The following PCDHGA6 variants were observed in gnomAD, a reference collection of about 807,000 sequenced individuals.
The protein encoded by PCDHGA6 is protocadherin gamma subfamily A, 6.
A neutral mutation model predicts 60.6 loss-of-function variants in PCDHGA6; 41 were observed. The ratio of observed to expected loss-of-function variants is 0.68; its 90% CI spans 0.53 to 0.88. PCDHGA6 has a LOEUF of 0.88. Among genes scored for constraint, PCDHGA6 ranks in the 40% least tolerant of loss-of-function variants. PCDHGA6 has a pLI of 0.00. For synonymous variants in PCDHGA6, 594 were observed against 524.4 expected (o/e 1.13, Z -1.81); for missense variants, 1,312 against 1,203.0 (o/e 1.09, Z -1.34).
Position 141,431,548 on chromosome 5 carries a change from A to G in PCDHGA6, c.2424+55041A>G, listed in dbSNP as rs1357844542. 2 of 1,614,136 alleles carry G rather than the reference A, an allele frequency of 1.2e-6. No individual in the cohort carries two copies. Among genetic ancestry groups the G allele is most frequent in the Admixed American group, 1.7e-5 (1 of 60,030 alleles). On this transcript the variant is annotated intron_variant, in intron 1 of 3. Coordinates refer to ENST00000517434, the MANE Select transcript of PCDHGA6 (RefSeq NM_018919.3). This position sits in a 1 kb window ranked among gnomAD's most constrained non-coding sequence, Gnocchi z 4.8. ...TGGCCTTGGGCACGCAGCTGCTTGT[A>G]GTCAACGCTACCGACCCTGACGAAG... is the stretch of plus-strand genomic sequence containing the variant.
At chr5:141,390,164 G>C in intron 1 of PCDHGA6, 1 of 1,614,006 alleles carries the variant, frequency 6.2e-7, no homozygotes, top group Non-Finnish European at 8.5e-7. Context: ...CAGGAAAGAC[G>C]GAGTTTAATT....
chr5:141,456,783 C>G (rs1400541298), intron 1 of PCDHGA6, among the ~76,000 whole-genome samples: 3 of 151,802 alleles, frequency 2.0e-5, no homozygotes, highest in African/African-American at 4.8e-5. Flanking sequence ...GCCTACATGG[C>G]AAAACCCCAT....
In PCDHGA6 at chr5:141,374,658, C is replaced by T. The variant is rs760635815; in HGVS notation, c.575C>T (p.Pro192Leu). 6.2e-7 allele frequency: 1 copy of T among 1,611,764 alleles called. No individual in the cohort carries two copies. Among genetic ancestry groups the T allele is most frequent in the Non-Finnish European group, 8.5e-7 (1 of 1,178,870 alleles). Residue 192 changes from proline to leucine, a missense_variant, in exon 1 of 4, where the codon CCG (proline) becomes CTG (leucine). Coordinates refer to ENST00000517434, the MANE Select transcript of PCDHGA6 (RefSeq NM_018919.3). ...VQSEAHGPKY[P>L]ELVLEGTLDR... ...AGCGAAGCCCATGGGCCCAAGTACCCGGAGCTGGTGCTGGAGGGCACACTG... is the reference window on the plus strand; with the variant it reads ...AGCGAAGCCCATGGGCCCAAGTACCTGGAGCTGGTGCTGGAGGGCACACTG...
Position 141,511,267 on chromosome 5 carries a change from C to T in PCDHGA6, c.*94C>T, listed in dbSNP as rs1223074819. 1.3e-6 allele frequency: 2 copies of T among 1,549,404 alleles called. No homozygotes were observed. Among genetic ancestry groups the T allele is most frequent in the Non-Finnish European group, 1.7e-6 (2 of 1,146,836 alleles). On this transcript the variant is annotated 3_prime_UTR_variant, in exon 4 of 4. Transcript: ENST00000517434. ...CCAGGCCTCAGAGTTTCAGGGCTAA[C>T]CCCCAGAATACTGGTAGGGGCCAAG...
intron 2 of PCDHGA6, among the ~76,000 whole-genome samples, chr5:141,503,984 C>T (rs967348519): frequency 2.0e-5 from 3 of 152,184 alleles, no homozygotes; most frequent in African/African-American, 7.2e-5. Context: ...AACCCTTCTT[C>T]TTACCTTACA....
intron 1 of PCDHGA6, chr5:141,403,053 C>A: frequency 6.2e-7 from 1 of 1,614,076 alleles, no homozygotes; most frequent in Non-Finnish European, 8.5e-7. Context: ...ATTCGCTACT[C>A]AGTGCCTGAA....
chr5:141,428,057 G>C (rs766786963), intron 1 of PCDHGA6: 2 of 1,609,044 alleles, frequency 1.2e-6, no homozygotes, highest in East Asian at 2.2e-5. Flanking sequence ...AGGTGGTGGC[G>C]GTGGACGCAG....
At chr5:141,468,739 G>A (rs1167211344) in intron 1 of PCDHGA6, among the ~76,000 whole-genome samples, 5 of 152,000 alleles carry the variant, frequency 3.3e-5, no homozygotes, top group African/African-American at 1.2e-4. Context: ...GGTGGCGGGT[G>A]CCTGTAGTCC....
rs575694126 is a variant in PCDHGA6 at position 141,399,993 on chromosome 5, G to A, written c.2424+23486G>A. 3.1e-5 allele frequency: 50 copies of A among 1,612,336 alleles called. 1 individual carries two copies. Among genetic ancestry groups the A allele is most frequent in the Middle Eastern group, 1.8e-4 (1 of 5,462 alleles). On this transcript the variant is annotated intron_variant, in intron 1 of 3. Transcript: ENST00000517434. ...GCCTGGGGCTGCGCACAGGAGAGGT[G>A]CGCACAGCGCGTGCCTTGGGCGACA...
rs747205741 is a variant in PCDHGA6, at chr5:141,384,243, C to A, written c.2424+7736C>A. On this transcript the variant is annotated intron_variant, in intron 1 of 3. Coordinates refer to ENST00000517434, the MANE Select transcript of PCDHGA6 (RefSeq NM_018919.3). ...TGCAGGTGGCAGACACCAACGATAA[C>A]CCACCCACCTTCCCCCACTCATCCT... 3.5e-5 allele frequency: 56 copies of A among 1,613,762 alleles called. 1 individual carries two copies. The South Asian group carries it at 6.0e-4, about 17-fold the overall frequency.
chr5:141,382,744 A>G (rs767790688), intron 1 of PCDHGA6: 6 of 592,898 alleles, frequency 1.0e-5, no homozygotes, highest in Non-Finnish European at 1.7e-5. Context: ...GAAACGACAG[A>G]TTGCGATAAG....
intron 1 of PCDHGA6, chr5:141,405,187 G>T (rs372851700): frequency 9.3e-6 from 15 of 1,613,480 alleles, no homozygotes; most frequent in Non-Finnish European, 1.3e-5. Flanking sequence ...GTGTAGATGG[G>T]GTTCGAGCTT....
At chr5:141,422,758 A>G in intron 1 of PCDHGA6, 1 of 1,613,150 alleles carries the variant, frequency 6.2e-7, no homozygotes, top group Non-Finnish European at 8.5e-7. Flanking sequence ...TATTAACTCC[A>G]ACACTGGTGT....
chr5:141,395,119 T>C, intron 1 of PCDHGA6: 1 of 1,614,182 alleles, frequency 6.2e-7, no homozygotes. Flanking sequence ...AGTCACCTGA[T>C]CTTTCCCCAG....
In PCDHGA6 at chr5:141,510,980, G is replaced by A; in HGVS notation, c.2606G>A (p.Gly869Asp). The change falls in exon 4 of 4, where the codon GGT becomes GAT. Residue 869 changes from glycine (G) to aspartate (D), a missense_variant. Transcript: ENST00000517434. ...AADGSSTLGGGAGTMGLSARY... is the reference protein window; with the variant it reads ...AADGSSTLGGDAGTMGLSARY... ...GATGGGAGCTCCACCCTGGGAGGGG[G>A]TGCCGGCACCATGGGATTGAGCGCC... 1 of 1,614,170 alleles carries A rather than the reference G, an allele frequency of 6.2e-7. No homozygotes were observed.
At chr5:141,482,458 C>T (rs986628162) in intron 1 of PCDHGA6, among the ~76,000 whole-genome samples, 1 of 147,624 alleles carries the variant, frequency 6.8e-6, no homozygotes, top group Non-Finnish European at 1.5e-5. Context: ...ATTAGCATCC[C>T]TATGTGCCAG....
rs749415234 is a variant in PCDHGA6, at chr5:141,419,462, C to A, written c.2424+42955C>A. On this transcript the variant is annotated intron_variant, in intron 1 of 3. Transcript: ENST00000517434. Reference sequence around the variant, plus strand: ...CACCTTCGAGCTCACGCTGCAGGCCCGCGACCAGGGCTCGCCCGCGCTCAG... The same window carrying A: ...CACCTTCGAGCTCACGCTGCAGGCCAGCGACCAGGGCTCGCCCGCGCTCAG... 2.5e-6 allele frequency: 4 copies of A among 1,612,582 alleles called. No homozygotes were observed. In the Admixed American group the frequency reaches 6.7e-5, roughly 27 times the overall value.
intron 1 of PCDHGA6, chr5:141,415,573 G>T (rs375863243): frequency 1.9e-6 from 3 of 1,614,022 alleles, no homozygotes; most frequent in South Asian, 2.2e-5. Context: ...TTTGTTAGAT[G>T]ATTCGAAGTT....
chr5:141,461,813 C>T (rs2099023751), intron 1 of PCDHGA6, among the ~76,000 whole-genome samples: 1 of 151,846 alleles, frequency 6.6e-6, no homozygotes, highest in African/African-American at 2.4e-5. Flanking sequence ...ACCACCACAC[C>T]CAGCTAATTT....
Sources: gnomAD v4.1 joint callset for allele counts (sites outside exome capture counted in the v4.1 genomes callset) on GRCh38, gnomAD v4.1.1 for gene constraint, Gnocchi (gnomAD v3.1) non-coding constraint, MANE v1.5 for transcripts, NCBI Gene and HGNC (gene_info 2026-07-23, HGNC 2026-07-21) for gene names.